The following PPM1E variants were observed in gnomAD, a reference collection of about 807,000 sequenced individuals.
PPM1E encodes protein phosphatase 1E.
Under a neutral mutation model 65.9 loss-of-function variants are expected in PPM1E, and 20 were observed. The observed-to-expected ratio is 0.30, with a 90% confidence interval of 0.21 to 0.44. The LOEUF is 0.44. Ranked by LOEUF, PPM1E falls within the 20% of genes least tolerant of loss-of-function variation. The pLI, the probability that PPM1E is intolerant of heterozygous loss-of-function variation, is 1.00. For missense variants in PPM1E, 713 were observed against 953.1 expected, an observed-to-expected ratio of 0.75 and a Z score of 3.32; for synonymous variants, 352 against 374.9, an observed-to-expected ratio of 0.94 and a Z score of 0.70.
intron 1 of PPM1E, among the ~76,000 whole-genome samples, chr17:58,902,947 T>A (rs1303993584): frequency 6.6e-6 from 1 of 152,226 alleles, no homozygotes; most frequent in African/African-American, 2.4e-5. Context: ...GACTTTGAAT[T>A]GCCCAACCTG....
intron 1 of PPM1E, among the ~76,000 whole-genome samples, chr17:58,852,209 C>T (rs2050833207): frequency 6.6e-6 from 1 of 152,100 alleles, no homozygotes; most frequent in Admixed American, 6.6e-5. Context: ...AAGGGAATTC[C>T]TCGACCCCTT....
chr17:58,780,790 A>C (rs1355695401), intron 1 of PPM1E, among the ~76,000 whole-genome samples: 1 of 152,060 alleles, frequency 6.6e-6, no homozygotes, highest in African/African-American at 2.4e-5. Context: ...GATTTGTATT[A>C]TGTTTAAAGG....
chr17:58,812,023 T>C (rs1227084932), intron 1 of PPM1E, among the ~76,000 whole-genome samples: 1 of 151,564 alleles, frequency 6.6e-6, no homozygotes, highest in Admixed American at 6.6e-5. Context: ...TATCCTTAGC[T>C]AGAAAAGAAA....
chr17:58,756,343 C>T lies in PPM1E; in HGVS notation c.346C>T (p.Pro116Ser), dbSNP rs530258975. Residue 116 changes from proline to serine, a missense_variant, in exon 1 of 7, where the codon CCG becomes TCG. Pro to Ser is a moderately conservative substitution (Grantham distance 74). Transcript: ENST00000308249. ...AAAPGHSAVP[P>S]PPPQLPPLPP... ...AGCCCCGGGGCACTCGGCCGTGCCG[C>T]CGCCGCCGCCCCAGCTGCCGCCTTT... The T allele has an allele frequency of 5.1e-6, 7 of 1,383,226 alleles. No individual in the cohort carries two copies. The South Asian group carries it at 9.0e-5, about 18-fold the overall frequency. 85.7% of individuals were successfully genotyped at this position (1,383,226 alleles called of 1,614,324 possible). A position where few individuals can be genotyped will look rare whatever the true frequency, so the allele number is the denominator to read the frequency against.
At chr17:58,895,312 T>G (rs2051398934) in intron 1 of PPM1E, among the ~76,000 whole-genome samples, 1 of 152,140 alleles carries the variant, frequency 6.6e-6, no homozygotes, top group Non-Finnish European at 1.5e-5. Context: ...AACCCTACAA[T>G]GGGCTAAACG....
In PPM1E at chr17:58,939,381, G is replaced by A. The variant is rs1598663143; in HGVS notation, c.465-16268G>A. Among the ~76,000 whole-genome samples the A allele has an allele frequency of 3.9e-5, 6 of 152,278 alleles. 1 individual carries two copies. Among genetic ancestry groups the A allele is most frequent in the Admixed American group, 3.9e-4 (6 of 15,288 alleles). ...AGGAAAGAACAGTCAGAACATTCAT[G>A]ACTATAAGTTTTGTGGGGGTTTTAT... is the stretch of plus-strand genomic sequence containing the variant. On this transcript the variant is annotated intron_variant, in intron 1 of 6. Coordinates refer to ENST00000308249, the MANE Select transcript of PPM1E (RefSeq NM_014906.5).
At chr17:58,794,468 A>G (rs2050186849) in intron 1 of PPM1E, among the ~76,000 whole-genome samples, 1 of 152,086 alleles carries the variant, frequency 6.6e-6, no homozygotes, top group Non-Finnish European at 1.5e-5. Flanking sequence ...ATATAGATAA[A>G]TTGCGTGTTG....
In PPM1E at chr17:58,965,854, T is replaced by C. The variant is rs2030205350; in HGVS notation, c.744T>C (p.His248=). The C allele has an allele frequency of 2.5e-6, 4 of 1,614,070 alleles. No homozygotes were observed. The highest frequency in any genetic ancestry group is 3.4e-6 in the Non-Finnish European group (4 of 1,180,038). Residue 248 remains histidine, a synonymous_variant, in exon 3 of 7, where the codon CAT becomes CAC. Transcript: ENST00000308249. Reference sequence around the variant, plus strand: ...TGCGCAGGAAAATGGAGGACAAACATGTCTGCATTCCTGACTTTAATATGC... The same window carrying C: ...TGCGCAGGAAAATGGAGGACAAACACGTCTGCATTCCTGACTTTAATATGC... ...KNMRRKMEDK[H]VCIPDFNMLF...
intron 1 of PPM1E, among the ~76,000 whole-genome samples, chr17:58,871,449 A>G (rs1178839469): frequency 1.3e-5 from 2 of 152,188 alleles, no homozygotes; most frequent in Admixed American, 6.5e-5. Flanking sequence ...TTCAGTTGGC[A>G]AGAACAGTGT....
chr17:58,773,869 T>G (rs1258985226), intron 1 of PPM1E, among the ~76,000 whole-genome samples: 1 of 152,006 alleles, frequency 6.6e-6, no homozygotes, highest in Non-Finnish European at 1.5e-5. Flanking sequence ...GAATAAAAAT[T>G]GTAGGTAATT....
At chr17:58,819,608 C>T (rs1419921244) in intron 1 of PPM1E, among the ~76,000 whole-genome samples, 1 of 151,956 alleles carries the variant, frequency 6.6e-6, no homozygotes, top group African/African-American at 2.4e-5. Flanking sequence ...GTAGGCTGTA[C>T]AGGTAGTATA....
chr17:58,900,851 T>G (rs1339667736), intron 1 of PPM1E, among the ~76,000 whole-genome samples: 1 of 152,212 alleles, frequency 6.6e-6, no homozygotes, highest in Non-Finnish European at 1.5e-5. Flanking sequence ...TGGATCTAGG[T>G]TATGCTCATC....
At chr17:58,958,582 T>G (rs1444972347) in intron 2 of PPM1E, among the ~76,000 whole-genome samples, 1 of 151,624 alleles carries the variant, frequency 6.6e-6, no homozygotes, top group Non-Finnish European at 1.5e-5. Flanking sequence ...TAATAAAAAG[T>G]TTTTGTAAAT....
intron 1 of PPM1E, among the ~76,000 whole-genome samples, chr17:58,770,798 T>C (rs2144171258): frequency 6.6e-6 from 1 of 152,236 alleles, no homozygotes; most frequent in Middle Eastern, 3.4e-3. Context: ...TTTAATTAAT[T>C]AAGCTTTCTG....
At chr17:58,955,449 G>A (rs974911418) in intron 1 of PPM1E, 200 bp from the exon 2 acceptor site, 6 of 640,168 alleles carry the variant, frequency 9.4e-6, no homozygotes, top group Non-Finnish European at 1.4e-5. Context: ...GCTCCTTTAG[G>A]TAAGGAGCCA....
At chr17:58,966,688 TTTTC>T (rs2143682909) in intron 3 of PPM1E, 1 of 154,314 alleles carries the variant, frequency 6.5e-6, no homozygotes, top group African/African-American at 2.4e-5. Context: ...GTTATCTTTC[TTTTC>T]TTTTTCTATT....
intron 1 of PPM1E, among the ~76,000 whole-genome samples, chr17:58,883,184 C>G (rs2051222165): frequency 1.3e-5 from 2 of 151,868 alleles, no homozygotes; most frequent in South Asian, 4.2e-4. Flanking sequence ...GTCTTGAACT[C>G]CTGACCTCAG....
intron 1 of PPM1E, among the ~76,000 whole-genome samples, chr17:58,936,420 C>CG (rs1567880412): frequency 1.3e-5 from 2 of 152,144 alleles, no homozygotes; most frequent in Non-Finnish European, 2.9e-5. Flanking sequence ...TGAGATGAGG[C>CG]TGCTCCAGAC....
At chr17:58,871,978 G>A (rs2051076084) in intron 1 of PPM1E, among the ~76,000 whole-genome samples, 1 of 152,156 alleles carries the variant, frequency 6.6e-6, no homozygotes, top group Non-Finnish European at 1.5e-5. Flanking sequence ...CCTGACCAAA[G>A]TTTCAAATGA....
Sources: gnomAD v4.1 joint callset for allele counts (sites outside exome capture counted in the v4.1 genomes callset) on GRCh38, gnomAD v4.1.1 for gene constraint, MANE v1.5 for transcripts, NCBI Gene and HGNC (gene_info 2026-07-23, HGNC 2026-07-21) for gene names.